The following CEP164 variants were observed in gnomAD, a reference collection of about 807,000 sequenced individuals.
CEP164 encodes the protein centrosomal protein 164.
A neutral mutation model predicts 182.7 loss-of-function variants in CEP164; 162 were observed. That is an observed-to-expected ratio of 0.89 (90% CI 0.78 to 1.01). The LOEUF is 1.01. CEP164 is among the 50% of genes least tolerant of loss of function. The pLI, the probability that CEP164 is intolerant of heterozygous loss-of-function variation, is 0.00. For synonymous variants in CEP164, 661 were observed against 690.0 expected, an observed-to-expected ratio of 0.96 and a Z score of 0.66; for missense variants, 1,735 against 1,790.4, an observed-to-expected ratio of 0.97 and a Z score of 0.56.
intron 10 of CEP164, among the ~76,000 whole-genome samples, chr11:117,374,431 C>T (rs1173343165): frequency 1.3e-5 from 2 of 152,144 alleles, no homozygotes; most frequent in African/African-American, 4.8e-5. Flanking sequence ...AGCCATCCTC[C>T]ATCTGTTTGG....
intron 5 of CEP164, among the ~76,000 whole-genome samples, chr11:117,354,005 T>TTCA (rs1289616557): frequency 6.7e-6 from 1 of 149,870 alleles, no homozygotes; most frequent in African/African-American, 2.5e-5. Flanking sequence ...CTTCTTCTCC[T>TTCA]TCTTCTTCTT....
intron 14 of CEP164, chr11:117,384,780 G>A (rs987223908): frequency 2.0e-5 from 3 of 152,346 alleles, no homozygotes. Flanking sequence ...CATCAGGAAT[G>A]GATGGGTTGT....
At chr11:117,339,603 A>ACTG (rs910641237) in intron 3 of CEP164, among the ~76,000 whole-genome samples, 3 of 127,696 alleles carry the variant, frequency 2.3e-5, no homozygotes, top group Non-Finnish European at 3.1e-5. Context: ...ATCTTGGCTC[A>ACTG]CTGCAACCTC....
chr11:117,328,612 CCT>C (rs2035696718), intron 1 of CEP164, among the ~76,000 whole-genome samples: 1 of 152,142 alleles, frequency 6.6e-6, no homozygotes, highest in South Asian at 2.1e-4. Flanking sequence ...TCCAGCCAGA[CCT>C]CTTTCCTGAG....
upstream of CEP164, among the ~76,000 whole-genome samples, chr11:117,323,596 C>T (rs2035329520): frequency 6.6e-6 from 1 of 152,050 alleles, no homozygotes; most frequent in Admixed American, 6.6e-5. Context: ...ATTTCATTTC[C>T]TTTGGATATA....
At position 117,355,488 on chromosome 11, in the gene CEP164, C is replaced by T. The variant is rs900117167; in HGVS notation, c.393+3500C>T. 22 of 1,289,354 alleles carry T rather than the reference C, an allele frequency of 1.7e-5. No homozygotes were observed. The African/African-American group carries it at 3.3e-4, about 20-fold the overall frequency. The allele number at this position is 1,289,354 out of a possible 1,614,324, so 79.9% of individuals were successfully genotyped here. On this transcript the variant is annotated intron_variant, in intron 5 of 32. Transcript: ENST00000278935. ...GGGGAGCAGCACAGCCACAGCTTAG[C>T]CAAACTGAGCCCCACTGGCCCTGGA...
intron 11 of CEP164, among the ~76,000 whole-genome samples, chr11:117,376,500 G>C (rs960292865): frequency 1.3e-5 from 2 of 152,236 alleles, no homozygotes; most frequent in African/African-American, 4.8e-5. Flanking sequence ...TAGAAGAGCA[G>C]TTCTGGCACA....
At chr11:117,400,844 G>C (rs2046054048) in intron 27 of CEP164, among the ~76,000 whole-genome samples, 1 of 152,236 alleles carries the variant, frequency 6.6e-6, no homozygotes, top group Non-Finnish European at 1.5e-5. Context: ...TTTGTATCCT[G>C]AGACTTTGCT....
chr11:117,385,121 G>C (rs117498846), intron 14 of CEP164: 1 of 152,190 alleles, frequency 6.6e-6, no homozygotes, highest in African/African-American at 2.4e-5. Flanking sequence ...CCCGCCCTCC[G>C]CTCTCTTTCT....
chr11:117,380,886 C>T (rs769309511), intron 12 of CEP164, among the ~76,000 whole-genome samples, 181 bp downstream of exon 12: 43 of 152,132 alleles, frequency 2.8e-4, no homozygotes, highest in Non-Finnish European at 4.3e-4. Flanking sequence ...TGTGTGTGCA[C>T]GTGTGTGTAC....
At chr11:117,327,324 GTA>G (rs1415178667), upstream of CEP164, among the ~76,000 whole-genome samples, 1 of 152,090 alleles carries the variant, frequency 6.6e-6, no homozygotes, top group African/African-American at 2.4e-5. Context: ...GATGACCACT[GTA>G]TTATTCACCT....
intron 15 of CEP164, among the ~76,000 whole-genome samples, chr11:117,388,319 C>G (rs1275700483): frequency 6.6e-6 from 1 of 152,222 alleles, no homozygotes; most frequent in Non-Finnish European, 1.5e-5. Flanking sequence ...GATTCATGGC[C>G]TGGAACATAG....
rs1195372020 is a variant in CEP164 at position 117,394,457 on chromosome 11, G to A, written c.2724G>A (p.Lys908=). 13 of 1,614,010 alleles carry A rather than the reference G, an allele frequency of 8.1e-6. No homozygotes were observed. The East Asian group carries it at 1.1e-4, about 14-fold the overall frequency. Residue 908 remains lysine, a synonymous_variant, in exon 21 of 33, where the codon AAG becomes AAA. Coordinates refer to ENST00000278935, the MANE Select transcript of CEP164 (RefSeq NM_014956.5). This position sits in a 1 kb window ranked among gnomAD's most constrained non-coding sequence, Gnocchi z 4.0. ...ELETVRQEQH[K]RLEDLRRRHR... The stretch of plus-strand genomic sequence containing the variant: ...AGACTGTGAGGCAGGAGCAACACAA[G>A]CGTCTTGAGGACTTGCGGCGCCGGC...
At chr11:117,397,346 G>A (rs770444433) in intron 27 of CEP164, 33 bp downstream of exon 27, 1 of 1,588,630 alleles carries the variant, frequency 6.3e-7, no homozygotes, top group Non-Finnish European at 8.6e-7. Context: ...TGCCAGCCCT[G>A]TGTGGGGGAG....
At chr11:117,395,087 G>A (rs778188410) in intron 22 of CEP164, 36 bp from the exon 23 acceptor site, 1 of 1,613,942 alleles carries the variant, frequency 6.2e-7, no homozygotes. Context: ...CCTGGGGTCT[G>A]CAGTCAGCCA....
intron 27 of CEP164, among the ~76,000 whole-genome samples, chr11:117,407,023 G>A (rs1565628157): frequency 6.6e-6 from 1 of 152,010 alleles, no homozygotes; most frequent in Non-Finnish European, 1.5e-5. Context: ...GAACCCAGGA[G>A]GAGGTGGAGG....
chr11:117,394,487 G>A lies in CEP164; in HGVS notation c.2754G>A (p.Arg918=). Residue 918 remains arginine (R), a synonymous_variant, in exon 21 of 33, where the codon AGG becomes AGA. Transcript: ENST00000278935. This position sits in a 1 kb window ranked among gnomAD's most constrained non-coding sequence, Gnocchi z 4.0. ...KRLEDLRRRH[R]EQERKLQDLE... is the part of the protein sequence containing the mutation. ...TTGAGGACTTGCGGCGCCGGCACAG[G>A]GAGCAGGTGAGGGGCCTGGGGCAGG... is the stretch of plus-strand genomic sequence containing the variant. The A allele has an allele frequency of 1.2e-6, 2 of 1,613,814 alleles. No homozygotes were observed. The highest frequency in any genetic ancestry group is 8.5e-7 in the Non-Finnish European group (1 of 1,179,996).
intron 5 of CEP164, among the ~76,000 whole-genome samples, chr11:117,357,831 C>G (rs1434690704): frequency 6.6e-6 from 1 of 152,192 alleles, no homozygotes; most frequent in African/African-American, 2.4e-5. Context: ...CATGGATAAC[C>G]TGTGTCAGGC....
At chr11:117,354,943 T>C in intron 5 of CEP164, 2 of 1,283,934 alleles carry the variant, frequency 1.6e-6, no homozygotes, top group South Asian at 2.5e-5. Flanking sequence ...AAACGCAGCC[T>C]GAGGAGGGAC....
Sources: gnomAD v4.1 joint callset for allele counts (sites outside exome capture counted in the v4.1 genomes callset) on GRCh38, gnomAD v4.1.1 for gene constraint, Gnocchi (gnomAD v3.1) non-coding constraint, MANE v1.5 for transcripts, NCBI Gene and HGNC (gene_info 2026-07-23, HGNC 2026-07-21) for gene names.